Variants in WDFY4 observed in about 807,000 individuals in gnomAD.
WDFY4 encodes the protein WDFY family member 4.
Under a neutral mutation model 351.9 loss-of-function variants are expected in WDFY4, and 169 were observed. The observed-to-expected ratio is 0.48, with a 90% confidence interval of 0.42 to 0.55. The LOEUF (loss-of-function observed/expected upper bound fraction) is 0.55, where lower values mean the gene tolerates loss of function less well. WDFY4 is among the 20% of genes least tolerant of loss of function. The pLI is 0.00. For missense variants in WDFY4, 3,803 were observed against 3,935.6 expected, an observed-to-expected ratio of 0.97 and a Z score of 0.90; for synonymous variants, 1,622 against 1,574.6, an observed-to-expected ratio of 1.03 and a Z score of -0.71.
At chr10:48,897,817 T>C (rs985331011) in intron 45 of WDFY4, among the ~76,000 whole-genome samples, 1 of 152,254 alleles carries the variant, frequency 6.6e-6, no homozygotes, top group African/African-American at 2.4e-5. Flanking sequence ...TTTTGCTGTG[T>C]CTTTTAGGAT....
chr10:48,718,909 A>G (rs1478558122), intron 2 of WDFY4, among the ~76,000 whole-genome samples: 2 of 152,224 alleles, frequency 1.3e-5, no homozygotes, highest in African/African-American at 2.4e-5. Flanking sequence ...ATAGTATCCT[A>G]AATAATAAGG....
intron 32 of WDFY4, among the ~76,000 whole-genome samples, chr10:48,818,753 CAT>C (rs2067708030): frequency 6.6e-6 from 1 of 152,080 alleles, no homozygotes; most frequent in Non-Finnish European, 1.5e-5. Context: ...AAAAAGATAA[CAT>C]AGTTTTGAAA....
intron 47 of WDFY4, among the ~76,000 whole-genome samples, chr10:48,914,440 G>A (rs1838312245): frequency 6.6e-6 from 1 of 152,136 alleles, no homozygotes; most frequent in Non-Finnish European, 1.5e-5. Flanking sequence ...GTTAAAATAG[G>A]AGGTGCAGGG....
chr10:48,738,686 AC>A (rs956717416), intron 11 of WDFY4, among the ~76,000 whole-genome samples: 2 of 152,154 alleles, frequency 1.3e-5, no homozygotes, highest in African/African-American at 4.8e-5. Flanking sequence ...CATCATGGGA[AC>A]CCCCTGAAAC....
intron 1 of WDFY4, among the ~76,000 whole-genome samples, chr10:48,685,562 C>T (rs2063020779): frequency 6.6e-6 from 1 of 152,194 alleles, no homozygotes; most frequent in Non-Finnish European, 1.5e-5. Context: ...GGCTCACTTC[C>T]CTCATCTGAA....
In WDFY4 at chr10:48,900,266, C is replaced by T; in HGVS notation, c.7483C>T (p.Leu2495Phe). 7.7e-6 allele frequency: 12 copies of T among 1,551,704 alleles called. No homozygotes were observed. The highest frequency in any genetic ancestry group is 1.0e-5 in the Non-Finnish European group (12 of 1,146,972). ...CTTCCACAATGGATATTCCAAGTTT[C>T]TTGTCTTCTACAACAATGATCGGAG... ...IFFHNGYSKF[L>F]VFYNNDRSKA... The change falls in exon 46 of 62, where the codon CTT (leucine) becomes TTT (phenylalanine). Residue 2495 changes from leucine (L) to phenylalanine (F), a missense_variant. Leu to Phe is a conservative substitution (Grantham distance 22). Coordinates refer to ENST00000325239, the MANE Select transcript of WDFY4 (RefSeq NM_001394531.1).
chr10:48,978,416 G>C, intron 60 of WDFY4, 23 bp downstream of exon 60: 1 of 1,539,060 alleles, frequency 6.5e-7, no homozygotes. Context: ...CTAGGGATGT[G>C]GCCGTCCTGG....
At chr10:48,750,274 T>C (rs199511646) in intron 12 of WDFY4, among the ~76,000 whole-genome samples, 31 of 152,380 alleles carry the variant, frequency 2.0e-4, no homozygotes, top group Middle Eastern at 3.4e-3. Context: ...GGCACAGATG[T>C]GACCCTGTCG....
chr10:48,981,291 G>A, intron 60 of WDFY4, 76 bp from the exon 61 acceptor site: 1 of 1,228,358 alleles, frequency 8.1e-7, no homozygotes, highest in Non-Finnish European at 1.2e-6. Flanking sequence ...TGTGTTTGCG[G>A]CCCCGTGTGC....
chr10:48,982,246 C>T (rs1842840621), intron 61 of WDFY4, among the ~76,000 whole-genome samples: 2 of 152,224 alleles, frequency 1.3e-5, no homozygotes, highest in South Asian at 2.1e-4. Flanking sequence ...TGGAGAGAGG[C>T]ACGGCCTCGT....
At chr10:48,803,480 C>A in intron 25 of WDFY4, 121 bp downstream of exon 25, 1 of 942,630 alleles carries the variant, frequency 1.1e-6, no homozygotes, top group Non-Finnish European at 1.6e-6. Context: ...CAAATGGGAG[C>A]ACATCCTTCC....
chr10:48,810,460 T>G, intron 28 of WDFY4, 70 bp from the exon 29 acceptor site: 2 of 1,432,636 alleles, frequency 1.4e-6, no homozygotes, highest in Non-Finnish European at 1.9e-6. Context: ...AGGCTGGACA[T>G]TTCATATTTT....
In WDFY4 at chr10:48,826,766, G is replaced by A; in HGVS notation, c.6078G>A (p.Gln2026=). The A allele has an allele frequency of 6.4e-7, 1 of 1,551,960 alleles. No individual in the cohort carries two copies. Among genetic ancestry groups the A allele is most frequent in the Non-Finnish European group, 8.7e-7 (1 of 1,147,044 alleles). Residue 2026 remains glutamine, a synonymous_variant, in exon 36 of 62, where the codon CAG becomes CAA. Transcript: ENST00000325239. ...KVILYCLSKP[Q]QSLSECLGLL... is the part of the protein sequence containing the mutation. The stretch of plus-strand genomic sequence containing the variant: ...TTCTTTATTGCCTATCCAAGCCCCA[G>A]CAGTCCCTCTCCGAATGCCTCGGCC...
intron 4 of WDFY4, among the ~76,000 whole-genome samples, chr10:48,722,546 C>T (rs2064125755): frequency 6.6e-6 from 1 of 152,204 alleles, no homozygotes; most frequent in African/African-American, 2.4e-5. Context: ...GTACATTCGT[C>T]CTTCTCTTTC....
At chr10:48,715,416 A>G (rs2063875545) in intron 2 of WDFY4, among the ~76,000 whole-genome samples, 1 of 152,130 alleles carries the variant, frequency 6.6e-6, no homozygotes. Flanking sequence ...ATGAACACTA[A>G]CTTAGTTGTA....
intron 5 of WDFY4, 40 bp downstream of exon 5, chr10:48,723,607 C>T: frequency 1.3e-6 from 2 of 1,550,214 alleles, no homozygotes; most frequent in Non-Finnish European, 1.7e-6. Context: ...GGGTCAAAAC[C>T]TCACTTCGGG....
intron 19 of WDFY4, 95 bp downstream of exon 19, chr10:48,780,214 G>C: frequency 7.3e-7 from 1 of 1,372,666 alleles, no homozygotes; most frequent in Non-Finnish European, 9.9e-7. Flanking sequence ...TTTTGTTGTT[G>C]TTTGTTTGTT....
At chr10:48,820,968 G>A (rs1258275714) in intron 33 of WDFY4, 94 bp from the exon 34 acceptor site, 18 of 841,242 alleles carry the variant, frequency 2.1e-5, no homozygotes, top group Non-Finnish European at 2.5e-5. Context: ...GGCAGATGCG[G>A]CATAAGTGTC....
intron 2 of WDFY4, among the ~76,000 whole-genome samples, chr10:48,717,937 G>T (rs1268233312): frequency 6.6e-6 from 1 of 152,202 alleles, no homozygotes; most frequent in Non-Finnish European, 1.5e-5. Flanking sequence ...AGGTGGTAGA[G>T]TGTGTGCCCC....
Sources: gnomAD v4.1 joint callset for allele counts (sites outside exome capture counted in the v4.1 genomes callset) on GRCh38, gnomAD v4.1.1 for gene constraint, MANE v1.5 for transcripts, NCBI Gene and HGNC (gene_info 2026-07-23, HGNC 2026-07-21) for gene names.